HHAT: variants seen among roughly 807,000 people sequenced by gnomAD.
HHAT encodes hedgehog acyltransferase.
In HHAT, 47 loss-of-function variants were observed where a neutral mutation model predicts 70.8. That is an observed-to-expected ratio of 0.66 (90% CI 0.53 to 0.85). The LOEUF (loss-of-function observed/expected upper bound fraction) is 0.85, where lower values mean the gene tolerates loss of function less well. HHAT is among the 40% of genes least tolerant of loss of function. The pLI is 0.00. For missense variants in HHAT, 609 were observed against 604.8 expected (o/e 1.01, Z -0.07); for synonymous variants, 228 against 247.6 (o/e 0.92, Z 0.74).
chr1:210,603,215 A>T lies in HHAT; in HGVS notation c.1245+15116A>T, dbSNP rs557226236. Among the ~76,000 whole-genome samples the T allele has an allele frequency of 5.6e-4, 85 of 151,618 alleles. 1 individual carries two copies. The highest frequency in any genetic ancestry group is 2.0e-3 in the African/African-American group (84 of 41,292). On this transcript the variant is annotated intron_variant, in intron 10 of 11. Coordinates refer to ENST00000261458, the MANE Select transcript of HHAT (RefSeq NM_018194.6). ...TATACCTTCTCCCTGCTTAATGCAA[A>T]CTCTCACCTGAGAAACCATAATCTC...
At chr1:210,562,607 A>G (rs2095633418) in intron 9 of HHAT, among the ~76,000 whole-genome samples, 2 of 151,600 alleles carry the variant, frequency 1.3e-5, no homozygotes, top group Admixed American at 1.3e-4. Flanking sequence ...CTTTGTGTTC[A>G]ATGTCTTGGT....
chr1:210,442,578 G>C (rs2093544690), intron 7 of HHAT, among the ~76,000 whole-genome samples: 1 of 151,930 alleles, frequency 6.6e-6, no homozygotes, highest in African/African-American at 2.4e-5. Flanking sequence ...TTGTGGTTTT[G>C]ATTTGCATTT....
intron 6 of HHAT, among the ~76,000 whole-genome samples, chr1:210,412,631 C>T (rs1469766067): frequency 1.3e-5 from 2 of 152,208 alleles, no homozygotes; most frequent in Non-Finnish European, 2.9e-5. Flanking sequence ...ATTACTCTGC[C>T]CTCCAGGCCC....
At chr1:210,602,777 C>T (rs76908490) in intron 10 of HHAT, among the ~76,000 whole-genome samples, 4,764 of 152,088 alleles carry the variant, frequency 0.031, 265 homozygotes, top group African/African-American at 0.11. Flanking sequence ...TGGTGGATTA[C>T]GACCCATTGG....
intron 11 of HHAT, among the ~76,000 whole-genome samples, chr1:210,638,319 C>A (rs1407846187): frequency 6.6e-6 from 1 of 152,142 alleles, no homozygotes; most frequent in Non-Finnish European, 1.5e-5. Context: ...TGTGGCATAT[C>A]CATACAATGG....
chr1:210,549,053 C>G (rs1312653052), intron 9 of HHAT, among the ~76,000 whole-genome samples: 1 of 152,236 alleles, frequency 6.6e-6, no homozygotes, highest in Admixed American at 6.5e-5. Context: ...ATTCTTGGCT[C>G]TGCCACTTAC....
At chr1:210,339,000 C>T (rs984555087) in intron 1 of HHAT, among the ~76,000 whole-genome samples, 4 of 151,986 alleles carry the variant, frequency 2.6e-5, no homozygotes, top group Non-Finnish European at 4.4e-5. Flanking sequence ...GCTATGATCA[C>T]GCCACTGCAT....
intron 1 of HHAT, among the ~76,000 whole-genome samples, chr1:210,344,914 CATCGGAACAAGTCATG>C (rs2086377202): frequency 8.2e-5 from 1 of 12,218 alleles, no homozygotes; most frequent in Non-Finnish European, 1.3e-4. Flanking sequence ...GTCATGCCGG[CATCGGAACAAGTCATG>C]CCGGCCTGCA....
chr1:210,554,334 C>A (rs952067651), intron 9 of HHAT, among the ~76,000 whole-genome samples: 3 of 152,174 alleles, frequency 2.0e-5, no homozygotes, highest in African/African-American at 7.2e-5. Context: ...AGGGTTGTAA[C>A]CTCAGTTTGC....
chr1:210,588,493 T>C (rs984336223), intron 10 of HHAT: 9 of 165,158 alleles, frequency 5.4e-5, no homozygotes, highest in African/African-American at 2.2e-4. Context: ...ACCACCTTTT[T>C]AAGTCACTGA....
chr1:210,615,477 G>T (rs6695115), intron 10 of HHAT, among the ~76,000 whole-genome samples: 2,688 of 152,268 alleles, frequency 0.018, 81 homozygotes, highest in African/African-American at 0.062. Context: ...TCCATTGCTG[G>T]TGAGGAGCTG....
intron 7 of HHAT, among the ~76,000 whole-genome samples, chr1:210,423,849 A>G (rs887262215): frequency 6.6e-6 from 1 of 152,164 alleles, no homozygotes; most frequent in African/African-American, 2.4e-5. Context: ...AGTTGGCTGT[A>G]GATATGTGGA....
intron 9 of HHAT, among the ~76,000 whole-genome samples, chr1:210,514,219 C>A (rs2095012686): frequency 6.6e-6 from 1 of 152,184 alleles, no homozygotes; most frequent in Admixed American, 6.5e-5. Flanking sequence ...GACCTCTTTT[C>A]CAAGGCTCAT....
chr1:210,470,520 G>C lies in HHAT; in HGVS notation c.1007+5865G>C, dbSNP rs75864715. ...TTTCCTTCAAACATAGACTTCCATA[G>C]ATCAAAGTGGAAAGGGACTATCAAG... On this transcript the variant is annotated intron_variant, in intron 8 of 11. Transcript: ENST00000261458. Among the ~76,000 whole-genome samples, 356 of 152,182 alleles carry C rather than the reference G, an allele frequency of 2.3e-3. 3 individuals are homozygous for C. Among genetic ancestry groups the C allele is most frequent in the African/African-American group, 7.8e-3 (324 of 41,508 alleles).
chr1:210,529,605 C>G (rs1287852359), intron 9 of HHAT, among the ~76,000 whole-genome samples: 1 of 152,178 alleles, frequency 6.6e-6, no homozygotes, highest in Admixed American at 6.5e-5. Context: ...CCAGTGTATC[C>G]CAGGCCCAGC....
At chr1:210,579,167 A>G (rs1190773567) in intron 9 of HHAT, among the ~76,000 whole-genome samples, 1 of 152,180 alleles carries the variant, frequency 6.6e-6, no homozygotes, top group Non-Finnish European at 1.5e-5. Flanking sequence ...GGAGAGAATC[A>G]GGAAAAATAA....
chr1:210,330,881 C>T (rs2084926059), intron 1 of HHAT, among the ~76,000 whole-genome samples: 2 of 152,168 alleles, frequency 1.3e-5, no homozygotes, highest in Admixed American at 6.5e-5. Context: ...TGCAGTGGCA[C>T]GATACTGGCT....
chr1:210,484,493 ACTTT>A (rs2094445538), intron 8 of HHAT, among the ~76,000 whole-genome samples: 2 of 89,556 alleles, frequency 2.2e-5, no homozygotes, highest in Non-Finnish European at 4.3e-5. Context: ...TACCATAGCT[ACTTT>A]TTTTTTTTTT....
At chr1:210,495,463 C>G (rs774421490) in intron 8 of HHAT, among the ~76,000 whole-genome samples, 1 of 151,994 alleles carries the variant, frequency 6.6e-6, no homozygotes, top group South Asian at 2.1e-4. Flanking sequence ...TTTGACTCAT[C>G]GGGAAAGTAG....
Sources: allele counts gnomAD v4.1 joint callset (sites outside exome capture counted in the v4.1 genomes callset), GRCh38; gene constraint gnomAD v4.1.1; transcripts MANE v1.5; gene names NCBI Gene and HGNC (gene_info 2026-07-23, HGNC 2026-07-21).